UGGT1: variants seen among roughly 807,000 people sequenced by gnomAD.
The protein encoded by UGGT1 is UDP-glucose glycoprotein glucosyltransferase 1.
UGGT1 carries 107 observed loss-of-function variants against 203.9 expected under a neutral mutation model. The observed-to-expected ratio is 0.52, with a 90% confidence interval of 0.45 to 0.62. The LOEUF (loss-of-function observed/expected upper bound fraction) is 0.62. Among genes scored for constraint, UGGT1 ranks in the 20% least tolerant of loss-of-function variants. The pLI is 0.00. For missense variants in UGGT1, 1,673 were observed against 1,867.2 expected (o/e 0.90, Z 1.92); for synonymous variants, 628 against 653.5 (o/e 0.96, Z 0.59).
chr2:128,093,057 T>C (rs1282330174), intron 1 of UGGT1, among the ~76,000 whole-genome samples: 2 of 152,196 alleles, frequency 1.3e-5, no homozygotes, highest in Non-Finnish European at 2.9e-5. Flanking sequence ...TTACGTCTGC[T>C]TCTCTGGACA....
At chr2:128,166,788 A>C (rs544339427) in intron 26 of UGGT1, among the ~76,000 whole-genome samples, 2 of 152,332 alleles carry the variant, frequency 1.3e-5, no homozygotes, top group African/African-American at 4.8e-5. Context: ...ATATACATAT[A>C]CACTGATTGT....
chr2:128,157,761 C>G (rs1690311852), intron 22 of UGGT1, among the ~76,000 whole-genome samples: 1 of 152,108 alleles, frequency 6.6e-6, no homozygotes, highest in African/African-American at 2.4e-5. Flanking sequence ...AGAAGTAGAT[C>G]CAGATGCACT....
Position 128,153,049 on chromosome 2 carries a change from CTT to C in UGGT1, c.2137+147_2137+148del, listed in dbSNP as rs1391793472. The C allele has an allele frequency of 3.5e-6, 4 of 1,133,602 alleles. No homozygotes were observed. The Admixed American group carries it at 8.6e-5, about 24-fold the overall frequency. The allele number at this position is 1,133,602 out of a possible 1,614,324, so 70.2% of individuals were successfully genotyped here. A position where few individuals can be genotyped will look rare whatever the true frequency, so the allele number is the denominator to read the frequency against. On this transcript the variant is annotated intron_variant, in intron 19 of 40. Transcript: ENST00000259253. ...TGTGACAAAATTTTATGTGTAAACTCTTTGCACCTTTAGTTCATAATATGAGA... is the reference window on the plus strand; with the variant it reads ...TGTGACAAAATTTTATGTGTAAACTCTGCACCTTTAGTTCATAATATGAGA...
At chr2:128,174,338 G>T (rs1412964058) in intron 30 of UGGT1, among the ~76,000 whole-genome samples, 28 of 131,374 alleles carry the variant, frequency 2.1e-4, no homozygotes, top group African/African-American at 5.8e-5. Flanking sequence ...TGAGACTCCT[G>T]CCCAGGCTGG....
intron 2 of UGGT1, among the ~76,000 whole-genome samples, chr2:128,099,447 A>T (rs375140421): frequency 6.6e-6 from 1 of 152,172 alleles, no homozygotes; most frequent in Non-Finnish European, 1.5e-5. Flanking sequence ...CCTGGCCTCT[A>T]GAATTTTGTA....
chr2:128,163,279 A>C (rs547605224), intron 25 of UGGT1, among the ~76,000 whole-genome samples: 11 of 125,812 alleles, frequency 8.7e-5, no homozygotes, highest in Admixed American at 1.5e-4. Flanking sequence ...GTTCATAGGA[A>C]ATGTATGTAG....
chr2:128,122,489 A>G (rs1688427547), intron 10 of UGGT1, among the ~76,000 whole-genome samples: 1 of 151,798 alleles, frequency 6.6e-6, no homozygotes, highest in South Asian at 2.1e-4. Context: ...AGCCAAGATC[A>G]TGCCATTGCA....
chr2:128,154,404 A>T (rs1361100461), intron 19 of UGGT1, among the ~76,000 whole-genome samples: 2 of 152,216 alleles, frequency 1.3e-5, no homozygotes, highest in Admixed American at 1.3e-4. Flanking sequence ...CCACAGTGGC[A>T]AAGTGCCACC....
intron 32 of UGGT1, 40 bp from the exon 33 acceptor site, chr2:128,177,792 G>C: frequency 6.5e-7 from 1 of 1,530,858 alleles, no homozygotes; most frequent in Middle Eastern, 1.7e-4. Context: ...TTATGCCTGT[G>C]AGACATACTG....
intron 8 of UGGT1, among the ~76,000 whole-genome samples, chr2:128,118,752 T>A (rs922583714): frequency 6.6e-6 from 1 of 152,184 alleles, no homozygotes; most frequent in Admixed American, 6.5e-5. Context: ...AGGCTCAGTC[T>A]GTCACCAAGG....
chr2:128,123,112 A>T (rs1688457162), intron 10 of UGGT1, 74 bp from the exon 11 acceptor site: 1 of 1,212,852 alleles, frequency 8.2e-7, no homozygotes, highest in Non-Finnish European at 1.1e-6. Flanking sequence ...TGTGTTTCAT[A>T]TTTTAAAATA....
At chr2:128,152,938 T>C (rs1199747216) in intron 19 of UGGT1, 34 bp downstream of exon 19, 1 of 1,607,684 alleles carries the variant, frequency 6.2e-7, no homozygotes, top group Non-Finnish European at 8.5e-7. Flanking sequence ...CTTATGCTTT[T>C]TTTGACTTGT....
intron 4 of UGGT1, among the ~76,000 whole-genome samples, chr2:128,108,483 T>G (rs1687704654): frequency 1.3e-5 from 2 of 152,152 alleles, no homozygotes; most frequent in Admixed American, 6.5e-5. Context: ...GTAATCTAGT[T>G]TCTTCAGTAC....
chr2:128,093,195 A>C (rs572911132), intron 1 of UGGT1, among the ~76,000 whole-genome samples: 91 of 151,528 alleles, frequency 6.0e-4, no homozygotes, highest in African/African-American at 2.2e-3. Context: ...AAGAACACGT[A>C]CTCTCTCTCC....
chr2:128,120,232 CTA>C, intron 8 of UGGT1, 122 bp from the exon 9 acceptor site: 1 of 769,162 alleles, frequency 1.3e-6, no homozygotes, highest in South Asian at 1.7e-5. Context: ...TTTTTTCCCC[CTA>C]TGTCGTAGAA....
intron 1 of UGGT1, among the ~76,000 whole-genome samples, 182 bp from the exon 2 acceptor site, chr2:128,097,247 G>C (rs1443317757): frequency 6.6e-6 from 1 of 152,062 alleles, no homozygotes; most frequent in African/African-American, 2.4e-5. Context: ...GTGGTGGTGC[G>C]TGCCTGTAAT....
At chr2:128,182,692 C>T (rs1303178243) in intron 37 of UGGT1, among the ~76,000 whole-genome samples, 5 of 18,900 alleles carry the variant, frequency 2.6e-4, no homozygotes, top group African/African-American at 9.1e-4. Flanking sequence ...GAGTGAGATT[C>T]CATCTCAAAA....
intron 25 of UGGT1, among the ~76,000 whole-genome samples, chr2:128,162,689 G>A (rs1254169758): frequency 6.6e-6 from 1 of 152,134 alleles, no homozygotes; most frequent in Admixed American, 6.5e-5. Context: ...CTTCCCTGAT[G>A]TAGGTCAGGA....
intron 26 of UGGT1, among the ~76,000 whole-genome samples, chr2:128,165,651 C>A (rs536741898): frequency 1.3e-5 from 2 of 152,240 alleles, no homozygotes; most frequent in African/African-American, 2.4e-5. Flanking sequence ...GAGCAGAGAT[C>A]GTGCCATTGC....
Sources: allele counts gnomAD v4.1 joint callset (sites outside exome capture counted in the v4.1 genomes callset), GRCh38; gene constraint gnomAD v4.1.1; transcripts MANE v1.5; gene names NCBI Gene and HGNC (gene_info 2026-07-23, HGNC 2026-07-21).